BICDL1: variants seen among roughly 807,000 people sequenced by gnomAD.
BICDL1 encodes the protein BICD family-like cargo adapter 1.
In BICDL1, 20 loss-of-function variants were observed where a neutral mutation model predicts 76.8. That is an observed-to-expected ratio of 0.26 (90% confidence interval 0.18 to 0.38). The LOEUF (loss-of-function observed/expected upper bound fraction) is 0.38, where lower values mean the gene tolerates loss of function less well. BICDL1 is among the 10% of genes least tolerant of loss of function. BICDL1 has a pLI of 1.00. For missense variants in BICDL1, 700 were observed against 798.6 expected, an observed-to-expected ratio of 0.88 and a Z score of 1.49; for synonymous variants, 383 against 337.1, an observed-to-expected ratio of 1.14 and a Z score of -1.49.
chr12:120,056,592 CTG>C (rs895367440), intron 2 of BICDL1, among the ~76,000 whole-genome samples: 1 of 152,122 alleles, frequency 6.6e-6, no homozygotes, highest in African/African-American at 2.4e-5. Flanking sequence ...GGTAGTGCGC[CTG>C]TAATCCCAGC....
At chr12:120,078,325 A>C (rs1873722585) in intron 7 of BICDL1, among the ~76,000 whole-genome samples, 1 of 152,226 alleles carries the variant, frequency 6.6e-6, no homozygotes, top group African/African-American at 2.4e-5. Context: ...TGCCTTGCTG[A>C]GAATAAGCAC....
chr12:120,014,489 C>T (rs973626879), intron 2 of BICDL1, among the ~76,000 whole-genome samples: 2 of 152,028 alleles, frequency 1.3e-5, no homozygotes, highest in Non-Finnish European at 2.9e-5. Context: ...GTCAGGAGAT[C>T]GAGACCATCC....
At chr12:119,993,591 TC>T (rs1288450729) in intron 1 of BICDL1, among the ~76,000 whole-genome samples, 1 of 152,080 alleles carries the variant, frequency 6.6e-6, no homozygotes, top group Non-Finnish European at 1.5e-5. Flanking sequence ...TGTTACTCAT[TC>T]ACTGAATCAG....
chr12:120,074,124 A>C (rs554947948), intron 6 of BICDL1, among the ~76,000 whole-genome samples: 52 of 152,220 alleles, frequency 3.4e-4, no homozygotes, highest in African/African-American at 1.1e-3. Flanking sequence ...CGTGTTAGCC[A>C]GGATGGTCTC....
Position 119,990,120 on chromosome 12 carries a change from C to G in BICDL1, c.252C>G (p.Ala84=), listed in dbSNP as rs1423377846. Residue 84 remains alanine, a synonymous_variant, in exon 1 of 10, where the codon GCC becomes GCG. Transcript: ENST00000548673. The part of the protein sequence containing the change: ...EHPQAEPGSL[A]EGAGPQPPPS... Reference sequence around the variant, plus strand: ...CTCAGGCCGAGCCTGGGTCTCTGGCCGAGGGGGCCGGACCGCAGCCGCCGC... The same window carrying G: ...CTCAGGCCGAGCCTGGGTCTCTGGCGGAGGGGGCCGGACCGCAGCCGCCGC... The G allele has an allele frequency of 1.3e-6, 2 of 1,549,548 alleles. No individual in the cohort carries two copies. Among genetic ancestry groups the G allele is most frequent in the East Asian group, 4.9e-5 (2 of 40,872 alleles).
rs981782062 is a variant in BICDL1, at chr12:120,072,725, C to T, written c.1304C>T (p.Pro435Leu). Residue 435 changes from proline to leucine, a missense_variant, in exon 6 of 10, where the codon CCC becomes CTC. Pro to Leu is a moderately conservative substitution (Grantham distance 98). Transcript: ENST00000548673. The stretch of plus-strand genomic sequence containing the variant: ...CAGAGCATTGTGGATGGCATGGAGC[C>T]CACGGTAAGAGGCCAGTCTGAGATG... Reference protein sequence around the residue: ...LIQSIVDGMEPTGSRRLDDDS... With the variant: ...LIQSIVDGMELTGSRRLDDDS... 6.2e-7 allele frequency: 1 copy of T among 1,611,586 alleles called. No homozygotes were observed. Among genetic ancestry groups the T allele is most frequent in the Non-Finnish European group, 8.5e-7 (1 of 1,179,556 alleles).
chr12:120,065,167 G>A (rs1362248127), intron 4 of BICDL1, among the ~76,000 whole-genome samples: 2 of 152,214 alleles, frequency 1.3e-5, no homozygotes, highest in African/African-American at 2.4e-5. Flanking sequence ...TGGAACACCA[G>A]GAGTGCTATT....
rs558221602 is a variant in BICDL1, at chr12:119,989,948, C to T, written c.80C>T (p.Pro27Leu). The T allele has an allele frequency of 1.7e-5, 25 of 1,465,566 alleles. No individual in the cohort carries two copies. Among genetic ancestry groups the T allele is most frequent in the Admixed American group, 5.4e-5 (2 of 36,744 alleles). The allele number at this position is 1,465,566 out of a possible 1,614,324, so 90.8% of individuals were successfully genotyped here. ...EPDSACCMEL[P>L]AAAGDAVRSP... ...GACAGCGCCTGCTGCATGGAGCTGC[C>T]CGCCGCGGCCGGGGACGCAGTCCGG... Residue 27 changes from proline to leucine, a missense_variant, in exon 1 of 10, where the codon CCC (proline) becomes CTC (leucine). By Grantham distance (98) the Pro-to-Leu change is moderately conservative. Transcript: ENST00000548673.
intron 2 of BICDL1, among the ~76,000 whole-genome samples, chr12:120,015,072 A>T (rs972513571): frequency 1.3e-5 from 2 of 152,160 alleles, no homozygotes; most frequent in African/African-American, 4.8e-5. Flanking sequence ...GAGGACACAT[A>T]ATTCAAGATG....
At chr12:120,024,818 G>C (rs907445645) in intron 2 of BICDL1, among the ~76,000 whole-genome samples, 3 of 151,086 alleles carry the variant, frequency 2.0e-5, no homozygotes, top group African/African-American at 7.4e-5. Flanking sequence ...CACCACACCT[G>C]GCATTTTGTT....
chr12:120,049,079 A>C (rs1162368395), intron 2 of BICDL1, among the ~76,000 whole-genome samples: 1 of 152,218 alleles, frequency 6.6e-6, no homozygotes, highest in Non-Finnish European at 1.5e-5. Flanking sequence ...AGGACTCATA[A>C]GAAGATAACT....
At chr12:120,006,941 A>T (rs1262551077) in intron 2 of BICDL1, among the ~76,000 whole-genome samples, 1 of 151,988 alleles carries the variant, frequency 6.6e-6, no homozygotes, top group African/African-American at 2.4e-5. Flanking sequence ...ATAGAGATGG[A>T]TGAAGAAGCG....
chr12:120,082,061 T>A (rs1874034780), intron 8 of BICDL1, among the ~76,000 whole-genome samples: 1 of 152,214 alleles, frequency 6.6e-6, no homozygotes, highest in South Asian at 2.1e-4. Flanking sequence ...AGAATCAGAC[T>A]CCGAAGCCTA....
At chr12:120,042,917 G>A (rs1952672986) in intron 2 of BICDL1, among the ~76,000 whole-genome samples, 1 of 152,096 alleles carries the variant, frequency 6.6e-6, no homozygotes, top group Non-Finnish European at 1.5e-5. Flanking sequence ...CCAGCCTGGT[G>A]TCTATTTTTC....
chr12:120,032,375 T>G (rs1057320140), intron 2 of BICDL1, among the ~76,000 whole-genome samples: 2 of 152,224 alleles, frequency 1.3e-5, no homozygotes, highest in East Asian at 1.9e-4. Flanking sequence ...CTAGCCAAGT[T>G]GTCACAGCCC....
intron 1 of BICDL1, among the ~76,000 whole-genome samples, chr12:119,990,945 G>A (rs746755312): frequency 4.6e-5 from 7 of 152,202 alleles, no homozygotes; most frequent in Non-Finnish European, 7.3e-5. Flanking sequence ...CTGGGTCTCA[G>A]GCTTGCAATT....
rs1201852862 is a variant in BICDL1, at chr12:119,989,382, G to GGCAACA, written c.-483_-478dup. 2.0e-5 allele frequency among the ~76,000 whole-genome samples: 3 copies of GGCAACA among 150,896 alleles called. No individual in the cohort carries two copies. Among genetic ancestry groups the GGCAACA allele is most frequent in the Non-Finnish European group, 4.4e-5 (3 of 67,592 alleles). ...AGTGCGGCTGCAGAGAGCGGCCGCC[G>GGCAACA]GCAACAGCAGCAGCAGCAGGAAGCG... On this transcript the variant is annotated 5_prime_UTR_variant, in exon 1 of 10. Coordinates refer to ENST00000548673, the MANE Select transcript of BICDL1 (RefSeq NM_001367886.1).
At chr12:120,069,763 A>G (rs1872945089) in intron 4 of BICDL1, among the ~76,000 whole-genome samples, 1 of 152,212 alleles carries the variant, frequency 6.6e-6, no homozygotes, top group South Asian at 2.1e-4. Flanking sequence ...ATTTTTACAA[A>G]TACATACCTG....
intron 3 of BICDL1, among the ~76,000 whole-genome samples, chr12:120,064,398 G>C (rs754873863): frequency 5.9e-5 from 9 of 151,996 alleles, no homozygotes; most frequent in Non-Finnish European, 1.0e-4. Flanking sequence ...TTGTAAGGAT[G>C]GGGTAAAGTT....
Sources: allele counts gnomAD v4.1 joint callset (sites outside exome capture counted in the v4.1 genomes callset), GRCh38; gene constraint gnomAD v4.1.1; transcripts MANE v1.5; gene names NCBI Gene and HGNC (gene_info 2026-07-23, HGNC 2026-07-21).